The following CLCC1 variants were observed in gnomAD, a reference collection of about 807,000 sequenced individuals.
The protein encoded by CLCC1 is chloride channel CLIC-like protein 1.
In CLCC1, 39 loss-of-function variants were observed where a neutral mutation model predicts 63.3. The ratio of observed to expected loss-of-function variants is 0.62; its 90% CI spans 0.48 to 0.81. CLCC1 has a LOEUF of 0.81. Among genes scored for constraint, CLCC1 ranks in the 30% least tolerant of loss-of-function variants. CLCC1 has a pLI of 0.00. For missense variants in CLCC1, 549 were observed against 669.4 expected (o/e 0.82, Z 1.98); for synonymous variants, 217 against 239.8 (o/e 0.90, Z 0.88).
chr1:108,953,160 G>A (rs1655427678), intron 2 of CLCC1, among the ~76,000 whole-genome samples: 1 of 152,196 alleles, frequency 6.6e-6, no homozygotes, highest in African/African-American at 2.4e-5. Context: ...AGAACCCCAA[G>A]ATGACAAAGC....
intron 5 of CLCC1, among the ~76,000 whole-genome samples, chr1:108,947,015 T>C (rs1038036848): frequency 6.6e-6 from 1 of 151,882 alleles, no homozygotes; most frequent in African/African-American, 2.4e-5. Flanking sequence ...AATACAAAAA[T>C]TAGCCAGGCA....
In CLCC1 at chr1:108,934,798, G is replaced by A. The variant is rs1652628768; in HGVS notation, c.1528C>T (p.Pro510Ser). Reference sequence around the variant, plus strand: ...TTGAGCTGGGCCTTTTCCGCTGCGGGTGAACCTTCTGTATTCCCTGATGTG... The same window carrying A: ...TTGAGCTGGGCCTTTTCCGCTGCGGATGAACCTTCTGTATTCCCTGATGTG... ...QDTSGNTEGSPAAEKAQLKSE... is the reference protein window; with the variant it reads ...QDTSGNTEGSSAAEKAQLKSE... Residue 510 changes from proline to serine, a missense_variant, in exon 12 of 13, where the codon CCC becomes TCC. By Grantham distance (74) the Pro-to-Ser change is moderately conservative. Coordinates refer to ENST00000369969, the MANE Select transcript of CLCC1 (RefSeq NM_001377458.1). The A allele has an allele frequency of 1.2e-6, 2 of 1,614,080 alleles. No homozygotes were observed. The highest frequency in any genetic ancestry group is 1.3e-5 in the African/African-American group (1 of 74,924).
intron 2 of CLCC1, among the ~76,000 whole-genome samples, chr1:108,957,768 A>C (rs1656097399): frequency 6.6e-6 from 1 of 151,430 alleles, no homozygotes. Context: ...CTGATGTCCA[A>C]GTAGAGATTA....
chr1:108,942,479 TCA>T (rs1653975875), intron 7 of CLCC1, among the ~76,000 whole-genome samples: 1 of 152,216 alleles, frequency 6.6e-6, no homozygotes, highest in Non-Finnish European at 1.5e-5. Flanking sequence ...TAAGGAAATG[TCA>T]CAATGCTTTA....
At chr1:108,952,017 ATCC>A (rs942133534) in intron 2 of CLCC1, among the ~76,000 whole-genome samples, 5 of 152,104 alleles carry the variant, frequency 3.3e-5, no homozygotes, top group African/African-American at 1.2e-4. Flanking sequence ...GGCTCAAGCT[ATCC>A]TCCCACCTCG....
At chr1:108,938,155 A>AATATAT (rs1653300890) in intron 10 of CLCC1, among the ~76,000 whole-genome samples, 1 of 152,208 alleles carries the variant, frequency 6.6e-6, no homozygotes, top group African/African-American at 2.4e-5. Context: ...AGTATCAATA[A>AATATAT]ATATAATCAC....
rs946009776 is a variant in CLCC1 at position 108,963,360 on chromosome 1, C to A, written c.-173+1G>T. 14 of 702,328 alleles carry A rather than the reference C, an allele frequency of 2.0e-5. No homozygotes were observed. The highest frequency in any genetic ancestry group is 3.6e-5 in the Non-Finnish European group (14 of 384,808). The allele number at this position is 702,328 out of a possible 1,614,324, so 43.5% of individuals were successfully genotyped here. The stretch of plus-strand genomic sequence containing the variant: ...CAACACACCCAACTGCACGGACTCA[C>A]GTCCGGGATCCCCTGCCTGCCTCTC... On this transcript the variant is annotated splice_donor_variant, in intron 1 of 12. Coordinates refer to ENST00000369969, the MANE Select transcript of CLCC1 (RefSeq NM_001377458.1). LOFTEE classifies it low-confidence loss of function (5UTR_SPLICE).
chr1:108,937,555 T>C (rs1653198153), intron 10 of CLCC1, 137 bp from the exon 11 acceptor site: 3 of 742,322 alleles, frequency 4.0e-6, no homozygotes, highest in African/African-American at 3.6e-5. Flanking sequence ...ACATGTTAAT[T>C]TGACTTTTTT....
At chr1:108,943,023 C>G (rs1654041201) in intron 7 of CLCC1, among the ~76,000 whole-genome samples, 2 of 152,076 alleles carry the variant, frequency 1.3e-5, no homozygotes, top group Admixed American at 1.3e-4. Context: ...AATTCTCCTG[C>G]CTCAGCCTGC....
rs918365470 is a variant in CLCC1, at chr1:108,941,407, C to G, written c.794G>C (p.Trp265Ser). 1.9e-6 allele frequency: 3 copies of G among 1,613,480 alleles called. No individual in the cohort carries two copies. Among genetic ancestry groups the G allele is most frequent in the Middle Eastern group, 1.6e-4 (1 of 6,080 alleles). ...AKKMDWTGSI[W>S]EWFRSSWTYK... is the part of the protein sequence containing the mutation. The stretch of plus-strand genomic sequence containing the variant: ...GGACAAGTGCACAAACACCTTACCC[C>G]AGATACTTCCAGTCCAGTCCATCTT... The change falls in exon 8 of 13, where the codon TGG (tryptophan) becomes TCG (serine). Residue 265 changes from tryptophan to serine, a missense_variant and splice_region_variant. Physicochemically the swap from Trp to Ser is radical, Grantham distance 177. Coordinates refer to ENST00000369969, the MANE Select transcript of CLCC1 (RefSeq NM_001377458.1).
chr1:108,929,870 T>C lies in CLCC1; in HGVS notation c.*2677A>G. The C allele has an allele frequency of 3.7e-6, 6 of 1,613,974 alleles. No homozygotes were observed. Among genetic ancestry groups the C allele is most frequent in the Non-Finnish European group, 5.1e-6 (6 of 1,179,830 alleles). On this transcript the variant is annotated 3_prime_UTR_variant, in exon 13 of 13. Coordinates refer to ENST00000369969, the MANE Select transcript of CLCC1 (RefSeq NM_001377458.1). ...CAAAACAGAGACACTGACTTTGGGC[T>C]AAAGGACTTTTTGCAAAATAATGCT...
At chr1:108,944,102 A>G (rs1326964719) in intron 5 of CLCC1, 45 bp from the exon 6 acceptor site, 1 of 1,392,498 alleles carries the variant, frequency 7.2e-7, no homozygotes, top group South Asian at 1.3e-5. Flanking sequence ...AGAGAATTTT[A>G]TTACTACTTG....
chr1:108,959,199 T>A (rs1176909021), intron 2 of CLCC1, among the ~76,000 whole-genome samples: 1 of 151,640 alleles, frequency 6.6e-6, no homozygotes, highest in African/African-American at 2.4e-5. Flanking sequence ...AATAAATATA[T>A]GAAAATTAGC....
chr1:108,963,280 G>T lies in CLCC1; in HGVS notation c.-173+81C>A, dbSNP rs900020104. 104 of 663,188 alleles carry T rather than the reference G, an allele frequency of 1.6e-4. No individual in the cohort carries two copies. In the African/African-American group the frequency reaches 1.6e-3, roughly 10 times the overall value. 41.1% of individuals were successfully genotyped at this position (663,188 alleles called of 1,614,324 possible). A position where few individuals can be genotyped will look rare whatever the true frequency, so the allele number is the denominator to read the frequency against. On this transcript the variant is annotated intron_variant, in intron 1 of 12. Coordinates refer to ENST00000369969, the MANE Select transcript of CLCC1 (RefSeq NM_001377458.1). ...GCGGCCTCCCCAGCGTCTGCGCCGC[G>T]AGTCCGCTGGACCCGCCAGGGCGTA...
Position 108,941,485 on chromosome 1 carries a change from T to C in CLCC1, c.716A>G (p.Gln239Arg), listed in dbSNP as rs1175045183. The change falls in exon 8 of 13, where the codon CAG (glutamine) becomes CGG (arginine). Residue 239 changes from glutamine (Q) to arginine (R), a missense_variant. Transcript: ENST00000369969. Reference sequence around the variant, plus strand: ...CATCTTGGCGACTTCAGCCTGATGCTGTGCAAAAGCTAGCTGCCCAACACC... The same window carrying C: ...CATCTTGGCGACTTCAGCCTGATGCCGTGCAAAAGCTAGCTGCCCAACACC... The part of the protein sequence containing the change: ...WMYLYKLAFA[Q>R]HQAEVAKMEP... 1 of 1,614,122 alleles carries C rather than the reference T, an allele frequency of 6.2e-7. No individual in the cohort carries two copies. The highest frequency in any genetic ancestry group is 1.7e-5 in the Admixed American group (1 of 60,018).
At position 108,930,043 on chromosome 1, in the gene CLCC1, TA is replaced by T. The variant is rs1651658069; in HGVS notation, c.*2503del. The T allele has an allele frequency of 7.7e-6, 8 of 1,035,026 alleles. No homozygotes were observed. Among genetic ancestry groups the T allele is most frequent in the Non-Finnish European group, 1.2e-5 (8 of 691,330 alleles). The allele number at this position is 1,035,026 out of a possible 1,614,324, so 64.1% of individuals were successfully genotyped here. On this transcript the variant is annotated 3_prime_UTR_variant, in exon 13 of 13. Coordinates refer to ENST00000369969, the MANE Select transcript of CLCC1 (RefSeq NM_001377458.1). ...TATAGCACTGTAATACAGCTTAAAATATTTTTAGAATGATGTAAATAGTTAA... is the reference window on the plus strand; with the variant it reads ...TATAGCACTGTAATACAGCTTAAAATTTTTTAGAATGATGTAAATAGTTAA...
chr1:108,939,309 A>ATT lies in CLCC1; in HGVS notation c.1041+325_1041+326dup, dbSNP rs1162492145. On this transcript the variant is annotated intron_variant, in intron 10 of 12. Transcript: ENST00000369969. ...ATATATAAATATACATATATGTATAATTTTTTTTTTTTTTTGAGACGGAAT... is the reference window on the plus strand; with the variant it reads ...ATATATAAATATACATATATGTATAATTTTTTTTTTTTTTTTTGAGACGGAAT... 1.2e-4 allele frequency among the ~76,000 whole-genome samples: 17 copies of ATT among 139,796 alleles called. 1 individual carries two copies. The Middle Eastern group carries it at 0.015, about 123-fold the overall frequency. The allele number at this position is 139,796 out of a possible 152,430, so 91.7% of individuals were successfully genotyped here.
chr1:108,960,712 C>T (rs1656508456), intron 2 of CLCC1, among the ~76,000 whole-genome samples: 1 of 151,786 alleles, frequency 6.6e-6, no homozygotes. Flanking sequence ...ATGAAGTGGA[C>T]AGAGAAATTA....
In CLCC1 at chr1:108,949,805, A is replaced by C; in HGVS notation, c.231+15T>G. The C allele has an allele frequency of 1.5e-6, 2 of 1,328,462 alleles. No individual in the cohort carries two copies. Among genetic ancestry groups the C allele is most frequent in the Non-Finnish European group, 2.1e-6 (2 of 959,548 alleles). 82.3% of individuals were successfully genotyped at this position (1,328,462 alleles called of 1,614,324 possible). On this transcript the variant is annotated intron_variant, in intron 4 of 12. Transcript: ENST00000369969. The stretch of plus-strand genomic sequence containing the variant: ...ATAATATAAAAATATAAAATTTATC[A>C]ATAAAAAAACTAACCTTATAAGTTA...
Sources: allele counts gnomAD v4.1 joint callset (sites outside exome capture counted in the v4.1 genomes callset), GRCh38; gene constraint gnomAD v4.1.1; transcripts MANE v1.5; gene names NCBI Gene and HGNC (gene_info 2026-07-23, HGNC 2026-07-21).